The following CNIH3 variants were observed in gnomAD, a reference collection of about 807,000 sequenced individuals.
CNIH3 encodes protein cornichon homolog 3.
Under a neutral mutation model 24.1 loss-of-function variants are expected in CNIH3, and 14 were observed. The ratio of observed to expected loss-of-function variants is 0.58; its 90% CI spans 0.38 to 0.91. The LOEUF is 0.91. CNIH3 is among the 40% of genes least tolerant of loss of function. The probability of loss-of-function intolerance (pLI) is 0.00; values close to 1 mark genes in which losing one functional copy is unlikely to be tolerated. For missense variants in CNIH3, 178 were observed against 196.8 expected, an observed-to-expected ratio of 0.90 and a Z score of 0.57; for synonymous variants, 68 against 73.8, an observed-to-expected ratio of 0.92 and a Z score of 0.40.
intron 2 of CNIH3, among the ~76,000 whole-genome samples, chr1:224,534,209 G>A (rs1412436712): frequency 6.6e-6 from 1 of 152,086 alleles, no homozygotes; most frequent in Non-Finnish European, 1.5e-5. Flanking sequence ...ATCTTCTTGG[G>A]GAACACAATT....
chr1:224,584,243 T>C (rs1681400805), intron 5 of CNIH3, among the ~76,000 whole-genome samples: 2 of 152,196 alleles, frequency 1.3e-5, no homozygotes, highest in Admixed American at 6.5e-5. Context: ...ACAAAGGCAT[T>C]AGAAAAAAGA....
At chr1:224,483,303 T>C (rs1267989744) in intron 1 of CNIH3, among the ~76,000 whole-genome samples, 2 of 152,054 alleles carry the variant, frequency 1.3e-5, no homozygotes, top group Non-Finnish European at 2.9e-5. Flanking sequence ...TGAGCTGAGA[T>C]TGCAGCACTG....
intron 3 of CNIH3, among the ~76,000 whole-genome samples, chr1:224,718,279 A>G (rs527787378): frequency 6.6e-6 from 1 of 152,262 alleles, no homozygotes; most frequent in East Asian, 1.9e-4. Flanking sequence ...AGGCACTGCC[A>G]TGCAAATATC....
intron 1 of CNIH3, among the ~76,000 whole-genome samples, chr1:224,453,010 C>A (rs551969773): frequency 5.3e-5 from 8 of 150,170 alleles, no homozygotes; most frequent in Admixed American, 2.0e-4. Flanking sequence ...ATCCCAGCTA[C>A]TCGGGAAGGC....
At chr1:224,483,720 G>A (rs557222562) in intron 1 of CNIH3, among the ~76,000 whole-genome samples, 1 of 152,198 alleles carries the variant, frequency 6.6e-6, no homozygotes, top group Admixed American at 6.5e-5. Context: ...TTATGAAGGT[G>A]CTTTTTTGTG....
chr1:224,558,450 G>A (rs1474903588), intron 3 of CNIH3, among the ~76,000 whole-genome samples: 1 of 152,122 alleles, frequency 6.6e-6, no homozygotes, highest in Non-Finnish European at 1.5e-5. Context: ...GAAGTGATTG[G>A]CAGTGGGAGA....
At chr1:224,481,981 C>T (rs1317273164) in intron 1 of CNIH3, among the ~76,000 whole-genome samples, 2 of 152,158 alleles carry the variant, frequency 1.3e-5, no homozygotes, top group African/African-American at 4.8e-5. Flanking sequence ...TCTTCCCTCT[C>T]CTTTCCCCAG....
chr1:224,709,766 G>A (rs1688032668), intron 3 of CNIH3, among the ~76,000 whole-genome samples: 2 of 152,134 alleles, frequency 1.3e-5, no homozygotes. Context: ...ACAGAAAGAG[G>A]AAGAGAAGGG....
At chr1:224,668,286 T>C (rs1241261751) in intron 1 of CNIH3, among the ~76,000 whole-genome samples, 1 of 152,230 alleles carries the variant, frequency 6.6e-6, no homozygotes, top group Non-Finnish European at 1.5e-5. Context: ...CCTTTATACA[T>C]ATTCTGTCTT....
At chr1:224,659,958 T>G (rs1213844741) in intron 1 of CNIH3, among the ~76,000 whole-genome samples, 20 of 152,170 alleles carry the variant, frequency 1.3e-4, no homozygotes. Context: ...CTCTTGTGAT[T>G]TTATTAAGAG....
chr1:224,639,628 A>G (rs536339287), intron 1 of CNIH3, among the ~76,000 whole-genome samples: 43 of 152,344 alleles, frequency 2.8e-4, no homozygotes, highest in African/African-American at 1.0e-3. Context: ...CTGGACCCCT[A>G]CCAGATGGAA....
chr1:224,686,110 A>G (rs1686643729), intron 3 of CNIH3, among the ~76,000 whole-genome samples: 1 of 148,068 alleles, frequency 6.8e-6, no homozygotes, highest in Non-Finnish European at 1.5e-5. Context: ...GCACCCATTG[A>G]CTCGTCATTT....
intron 5 of CNIH3, among the ~76,000 whole-genome samples, chr1:224,738,611 G>A (rs979098217): frequency 2.6e-5 from 4 of 151,984 alleles, no homozygotes; most frequent in African/African-American, 4.8e-5. Context: ...CTTTTTCTGC[G>A]AAATAGACAA....
chr1:224,689,379 A>G (rs1865742), intron 3 of CNIH3, among the ~76,000 whole-genome samples: 142,366 of 152,282 alleles, frequency 0.93, 67,099 homozygotes, highest in Non-Finnish European at 1. Context: ...TTATGACATC[A>G]CTAAGCACAC....
intron 1 of CNIH3, chr1:224,661,878 C>G (rs1338805623): frequency 1.8e-5 from 3 of 169,874 alleles, no homozygotes; most frequent in African/African-American, 7.2e-5. Flanking sequence ...TCATAGTAAT[C>G]CACCACATTT....
intron 3 of CNIH3, among the ~76,000 whole-genome samples, chr1:224,694,752 A>G (rs2125164348): frequency 6.6e-6 from 1 of 152,380 alleles, no homozygotes; most frequent in Non-Finnish European, 1.5e-5. Flanking sequence ...CTTAGCCATG[A>G]AATGGAATGA....
upstream of CNIH3, among the ~76,000 whole-genome samples, chr1:224,511,736 C>A (rs1678159247): frequency 6.6e-6 from 1 of 152,044 alleles, no homozygotes; most frequent in Admixed American, 6.6e-5. Context: ...CACCTGTAGT[C>A]CCAGTTATTC....
At position 224,599,875 on chromosome 1, in the gene CNIH3, G is replaced by A. The variant is rs568078448; in HGVS notation, n.402+33611G>A. Reference sequence around the variant, plus strand: ...TGTTTACTCCCATTTCACAAGTTATGTTAAAATGAATATAAAATTTCTAAA... The same window carrying A: ...TGTTTACTCCCATTTCACAAGTTATATTAAAATGAATATAAAATTTCTAAA... On this transcript the variant is annotated intron_variant and non_coding_transcript_variant, in intron 3 of 7. Transcript: ENST00000478120. Among the ~76,000 whole-genome samples, 4 of 152,224 alleles carry A rather than the reference G, an allele frequency of 2.6e-5. No individual in the cohort carries two copies. In the South Asian group the frequency reaches 8.3e-4, roughly 32 times the overall value.
intron 1 of CNIH3, among the ~76,000 whole-genome samples, chr1:224,497,539 T>C (rs764797573): frequency 1.3e-5 from 2 of 152,240 alleles, no homozygotes; most frequent in Non-Finnish European, 2.9e-5. Context: ...TGATGTTTCC[T>C]AGGTTGCTGT....
Sources: gnomAD v4.1 joint callset for allele counts (sites outside exome capture counted in the v4.1 genomes callset) on GRCh38, gnomAD v4.1.1 for gene constraint, MANE v1.5 for transcripts, NCBI Gene and HGNC (gene_info 2026-07-23, HGNC 2026-07-21) for gene names.